The following DGKB variants were observed in gnomAD, a reference collection of about 807,000 sequenced individuals.
DGKB encodes the protein diacylglycerol kinase beta.
DGKB carries 67 observed loss-of-function variants against 114.3 expected under a neutral mutation model. The observed-to-expected ratio is 0.59, with a 90% CI of 0.48 to 0.72. The LOEUF is 0.72. Among genes scored for constraint, DGKB ranks in the 30% least tolerant of loss-of-function variants. DGKB has a pLI of 0.00. For synonymous variants in DGKB, 398 were observed against 323.1 expected, an observed-to-expected ratio of 1.23 and a Z score of -2.49; for missense variants, 907 against 975.2, an observed-to-expected ratio of 0.93 and a Z score of 0.93.
intron 23 of DGKB, among the ~76,000 whole-genome samples, chr7:14,248,606 C>T (rs1320912472): frequency 3.9e-5 from 6 of 151,974 alleles, no homozygotes; most frequent in African/African-American, 1.2e-4. Context: ...TTTTTTGATG[C>T]TATTTTAAAT....
intron 21 of DGKB, among the ~76,000 whole-genome samples, chr7:14,444,709 T>A (rs1830506776): frequency 6.6e-6 from 1 of 151,894 alleles, no homozygotes; most frequent in African/African-American, 2.4e-5. Flanking sequence ...CCTATTACTA[T>A]CCCCACTTTA....
At chr7:14,388,787 A>G (rs1050692273) in intron 21 of DGKB, among the ~76,000 whole-genome samples, 2 of 152,186 alleles carry the variant, frequency 1.3e-5, no homozygotes, top group African/African-American at 4.8e-5. Flanking sequence ...TTCCAAAAAC[A>G]TTTACAAGAT....
At position 14,613,347 on chromosome 7, in the gene DGKB, C is replaced by T; in HGVS notation, c.1351G>A (p.Gly451Arg). Residue 451 changes from glycine to arginine, a missense_variant, in exon 16 of 26, where the codon GGA (glycine) becomes AGA (arginine). Coordinates refer to ENST00000402815, the MANE Select transcript of DGKB (RefSeq NM_001350709.2). ...ATCAATCAAAAAACATACCGTTCTCCTTGTTTTCCACCACTTTTGGGGTTC... is the reference window on the plus strand; with the variant it reads ...ATCAATCAAAAAACATACCGTTCTCTTTGTTTTCCACCACTTTTGGGGTTC... Reference protein sequence around the residue: ...FVNPKSGGKQGERIYRKFQYL... With the variant: ...FVNPKSGGKQRERIYRKFQYL... 1 of 1,562,202 alleles carries T rather than the reference C, an allele frequency of 6.4e-7. No homozygotes were observed. The highest frequency in any genetic ancestry group is 8.7e-7 in the Non-Finnish European group (1 of 1,150,262).
intron 6 of DGKB, among the ~76,000 whole-genome samples, chr7:14,708,916 A>G (rs1184380559): frequency 6.6e-6 from 1 of 151,436 alleles, no homozygotes. Flanking sequence ...CAAGGACTTC[A>G]TGTCCAAAAC....
At chr7:14,154,200 GAA>G (rs1782638244) in intron 25 of DGKB, among the ~76,000 whole-genome samples, 1 of 118,668 alleles carries the variant, frequency 8.4e-6, no homozygotes, top group African/African-American at 3.2e-5. Context: ...TTTTTTTTAA[GAA>G]AAATGAGATC....
intron 1 of DGKB, among the ~76,000 whole-genome samples, chr7:14,859,780 C>G (rs183766145): frequency 1.2e-4 from 19 of 152,180 alleles, no homozygotes; most frequent in African/African-American, 4.3e-4. Context: ...CCTTCCCTGA[C>G]TAAATGCAAA....
At chr7:14,653,383 T>G (rs1815028247) in intron 13 of DGKB, among the ~76,000 whole-genome samples, 5 of 152,166 alleles carry the variant, frequency 3.3e-5, no homozygotes, top group Admixed American at 3.3e-4. Flanking sequence ...GAAATCATCA[T>G]TCTCAGTAAA....
intron 23 of DGKB, among the ~76,000 whole-genome samples, chr7:14,288,462 A>G (rs1801244145): frequency 6.6e-6 from 1 of 152,088 alleles, no homozygotes; most frequent in Admixed American, 6.6e-5. Context: ...GCAAAGATAT[A>G]TTTCTAGTAG....
chr7:14,497,287 G>C (rs145912038), intron 20 of DGKB, among the ~76,000 whole-genome samples: 1 of 151,708 alleles, frequency 6.6e-6, no homozygotes, highest in Non-Finnish European at 1.5e-5. Context: ...CTTCACCACT[G>C]TACAATTCAC....
rs1802339169 is a variant in DGKB at position 14,295,154 on chromosome 7, A to C, written c.2122+43361T>G. 2.6e-5 allele frequency among the ~76,000 whole-genome samples: 4 copies of C among 152,182 alleles called. No individual in the cohort carries two copies. In the South Asian group the frequency reaches 8.3e-4, roughly 32 times the overall value. On this transcript the variant is annotated intron_variant, in intron 23 of 25. Coordinates refer to ENST00000402815, the MANE Select transcript of DGKB (RefSeq NM_001350709.2). The stretch of plus-strand genomic sequence containing the variant: ...CTGGCACATAGTAGGTTCTCTATCG[A>C]TATCTACTGAATATGAGAATAATAT...
intron 21 of DGKB, among the ~76,000 whole-genome samples, chr7:14,452,534 C>A (rs189750922): frequency 9.1e-4 from 139 of 152,042 alleles, no homozygotes; most frequent in African/African-American, 3.2e-3. Context: ...CTACTCCTGG[C>A]AAATCATTTC....
intron 19 of DGKB, among the ~76,000 whole-genome samples, chr7:14,579,644 T>A (rs1040203857): frequency 1.3e-5 from 2 of 152,172 alleles, no homozygotes; most frequent in Non-Finnish European, 2.9e-5. Context: ...TCCTGAAGTA[T>A]ATTCTTACTG....
chr7:14,620,460 TA>T (rs1214161245), intron 15 of DGKB, among the ~76,000 whole-genome samples: 1 of 151,414 alleles, frequency 6.6e-6, no homozygotes, highest in Non-Finnish European at 1.5e-5. Context: ...ACATAATCTA[TA>T]GTATCAGAAA....
At chr7:14,590,110 T>C (rs1276763425) in intron 17 of DGKB, among the ~76,000 whole-genome samples, 1 of 151,326 alleles carries the variant, frequency 6.6e-6, no homozygotes, top group Non-Finnish European at 1.5e-5. Context: ...TGTATACATA[T>C]GTAACTAACC....
At chr7:14,919,094 A>ACCC (rs1491494072) in intron 1 of DGKB, among the ~76,000 whole-genome samples, 1 of 131,458 alleles carries the variant, frequency 7.6e-6, no homozygotes, top group African/African-American at 3.0e-5. Flanking sequence ...ACACACACAC[A>ACCC]AACACACACA....
At chr7:14,253,165 G>C (rs1009314764) in intron 23 of DGKB, among the ~76,000 whole-genome samples, 1 of 151,920 alleles carries the variant, frequency 6.6e-6, no homozygotes, top group Non-Finnish European at 1.5e-5. Context: ...CTCCCAAGTA[G>C]CTGCGACTAC....
intron 21 of DGKB, among the ~76,000 whole-genome samples, chr7:14,376,144 C>A (rs894277842): frequency 3.3e-5 from 5 of 152,158 alleles, no homozygotes; most frequent in African/African-American, 1.2e-4. Flanking sequence ...AGGCAGAAAG[C>A]AGGTAGACAA....
intron 23 of DGKB, among the ~76,000 whole-genome samples, chr7:14,332,186 G>A (rs1037730201): frequency 3.9e-5 from 6 of 152,100 alleles, no homozygotes; most frequent in Non-Finnish European, 2.9e-5. Flanking sequence ...CCTATTCTAA[G>A]CTTCTAATCT....
At chr7:14,241,048 C>G (rs1341104741) in intron 23 of DGKB, among the ~76,000 whole-genome samples, 1 of 152,082 alleles carries the variant, frequency 6.6e-6, no homozygotes, top group Non-Finnish European at 1.5e-5. Flanking sequence ...ACTCAAGCAT[C>G]ATTAAGAAAT....
Sources: allele counts gnomAD v4.1 joint callset (sites outside exome capture counted in the v4.1 genomes callset), GRCh38; gene constraint gnomAD v4.1.1; transcripts MANE v1.5; gene names NCBI Gene and HGNC (gene_info 2026-07-23, HGNC 2026-07-21).